CNTNAP2: variants seen among roughly 807,000 people sequenced by gnomAD.
The protein encoded by CNTNAP2 is contactin associated protein 2.
In CNTNAP2, 98 loss-of-function variants were observed where a neutral mutation model predicts 155.2. The ratio of observed to expected loss-of-function variants is 0.63; its 90% CI spans 0.54 to 0.75. The LOEUF is 0.75. CNTNAP2 is among the 30% of genes least tolerant of loss of function. The pLI is 0.00. For missense variants in CNTNAP2, 1,727 were observed against 1,688.1 expected (o/e 1.02, Z -0.40); for synonymous variants, 651 against 631.2 (o/e 1.03, Z -0.47).
chr7:147,919,359 G>GCAGCCTCAACCTCCCTGGGCTCA (rs1800217576), intron 14 of CNTNAP2, among the ~76,000 whole-genome samples: 1 of 151,716 alleles, frequency 6.6e-6, no homozygotes, highest in Non-Finnish European at 1.5e-5. Context: ...ACAACTCACT[G>GCAGCCTCAACCTCCCTGGGCTCA]CAGCCTCAAC....
intron 1 of CNTNAP2, among the ~76,000 whole-genome samples, chr7:146,684,637 C>T (rs994030058): frequency 1.1e-3 from 7 of 6,280 alleles, no homozygotes; most frequent in African/African-American, 5.1e-3. Flanking sequence ...ATAGATCCAG[C>T]GCAAAAAAAA....
chr7:147,111,943 G>T (rs1182263177), intron 5 of CNTNAP2, among the ~76,000 whole-genome samples: 2 of 152,050 alleles, frequency 1.3e-5, no homozygotes, highest in Non-Finnish European at 2.9e-5. Context: ...TTGAATCTAT[G>T]TATTGCTTTG....
At chr7:146,997,280 T>G (rs1798330013) in intron 3 of CNTNAP2, among the ~76,000 whole-genome samples, 1 of 152,166 alleles carries the variant, frequency 6.6e-6, no homozygotes, top group Non-Finnish European at 1.5e-5. Flanking sequence ...TTATGATGAA[T>G]GCATGTTAAA....
At chr7:146,483,621 GT>G (rs1402034479) in intron 1 of CNTNAP2, among the ~76,000 whole-genome samples, 1 of 150,698 alleles carries the variant, frequency 6.6e-6, no homozygotes, top group Admixed American at 6.6e-5. Context: ...AATAAAAAAA[GT>G]TTTTAAATAT....
At chr7:147,119,081 T>A (rs993072041) in intron 5 of CNTNAP2, among the ~76,000 whole-genome samples, 2 of 152,228 alleles carry the variant, frequency 1.3e-5, no homozygotes, top group Non-Finnish European at 2.9e-5. Flanking sequence ...ACATTTTTGT[T>A]TTTTGTACAC....
intron 2 of CNTNAP2, among the ~76,000 whole-genome samples, chr7:146,834,927 T>C (rs555820319): frequency 6.2e-4 from 94 of 152,278 alleles, no homozygotes; most frequent in African/African-American, 2.0e-3. Context: ...CTTCCCCGAA[T>C]TGCATTGCTT....
At chr7:147,712,907 T>G (rs1411055503) in intron 13 of CNTNAP2, among the ~76,000 whole-genome samples, 1 of 152,078 alleles carries the variant, frequency 6.6e-6, no homozygotes, top group Non-Finnish European at 1.5e-5. Context: ...AAAAAAATTT[T>G]TAAAAATCCC....
chr7:148,103,695 G>C (rs755012856), intron 15 of CNTNAP2, among the ~76,000 whole-genome samples: 11 of 152,152 alleles, frequency 7.2e-5, no homozygotes, highest in Non-Finnish European at 1.6e-4. Flanking sequence ...CTCGCTCTCA[G>C]ATGTGTTCTT....
intron 18 of CNTNAP2, among the ~76,000 whole-genome samples, chr7:148,204,882 TA>T (rs1268439416): frequency 2.5e-4 from 38 of 152,346 alleles, no homozygotes; most frequent in African/African-American, 8.7e-4. Context: ...ACTACTCCTG[TA>T]AGCCTCAGTT....
intron 18 of CNTNAP2, among the ~76,000 whole-genome samples, chr7:148,203,937 C>T (rs1795407119): frequency 6.6e-6 from 1 of 152,138 alleles, no homozygotes; most frequent in Non-Finnish European, 1.5e-5. Context: ...TCATAAACAG[C>T]ATTCAGTAAA....
intron 1 of CNTNAP2, among the ~76,000 whole-genome samples, chr7:146,282,272 T>C (rs1369964476): frequency 1.3e-5 from 2 of 152,204 alleles, no homozygotes; most frequent in Non-Finnish European, 2.9e-5. Flanking sequence ...ACGTGGCAGC[T>C]AAAAAGGCAA....
At chr7:147,095,954 A>AC (rs1371198587) in intron 4 of CNTNAP2, among the ~76,000 whole-genome samples, 2 of 152,016 alleles carry the variant, frequency 1.3e-5, no homozygotes, top group African/African-American at 2.4e-5. Context: ...AGCCTTTTGG[A>AC]CCCCTCGTAA....
intron 20 of CNTNAP2, among the ~76,000 whole-genome samples, chr7:148,265,661 G>T (rs1452328187): frequency 1.3e-5 from 2 of 152,114 alleles, no homozygotes; most frequent in Non-Finnish European, 1.5e-5. Context: ...TAGTTTTTGG[G>T]GGTGGGGTGC....
At chr7:147,972,903 T>C (rs1302791183) in intron 14 of CNTNAP2, among the ~76,000 whole-genome samples, 1 of 151,810 alleles carries the variant, frequency 6.6e-6, no homozygotes, top group Non-Finnish European at 1.5e-5. Flanking sequence ...ACCAAATTGG[T>C]TGTGGAGGCT....
chr7:147,560,641 G>A (rs546618836), intron 11 of CNTNAP2, among the ~76,000 whole-genome samples: 21 of 151,864 alleles, frequency 1.4e-4, no homozygotes, highest in Admixed American at 9.9e-4. Context: ...GAACAAACAC[G>A]GTTTCGAAGG....
chr7:146,204,378 G>A (rs1292262253), intron 1 of CNTNAP2, among the ~76,000 whole-genome samples: 1 of 152,166 alleles, frequency 6.6e-6, no homozygotes, highest in Non-Finnish European at 1.5e-5. Context: ...AATGGGAATT[G>A]TAATAGGTAT....
chr7:147,739,317 A>G (rs1017953508), intron 13 of CNTNAP2, among the ~76,000 whole-genome samples: 1 of 152,102 alleles, frequency 6.6e-6, no homozygotes, highest in Non-Finnish European at 1.5e-5. Flanking sequence ...GTTAATCTCA[A>G]TGCCCTTCTT....
intron 1 of CNTNAP2, among the ~76,000 whole-genome samples, chr7:146,141,660 C>A (rs796762197): frequency 1.4e-4 from 22 of 152,018 alleles, no homozygotes; most frequent in African/African-American, 5.1e-4. Context: ...AGGTGGTTTT[C>A]TTTTCAAGCA....
chr7:147,380,855 A>C (rs1173388152), intron 9 of CNTNAP2, among the ~76,000 whole-genome samples: 1 of 152,150 alleles, frequency 6.6e-6, no homozygotes, highest in Non-Finnish European at 1.5e-5. Flanking sequence ...TCCATATTTT[A>C]CTTTTCCATC....
Sources: allele counts gnomAD v4.1 joint callset (sites outside exome capture counted in the v4.1 genomes callset), GRCh38; gene constraint gnomAD v4.1.1; transcripts MANE v1.5; gene names NCBI Gene and HGNC (gene_info 2026-07-23, HGNC 2026-07-21).